Variants in TSHZ2 observed in about 807,000 individuals in gnomAD.
TSHZ2 encodes teashirt homolog 2.
A neutral mutation model predicts 74.4 loss-of-function variants in TSHZ2; 21 were observed. The observed-to-expected ratio is 0.28, with a 90% CI of 0.20 to 0.41. The LOEUF is 0.41. Among genes scored for constraint, TSHZ2 ranks in the 10% least tolerant of loss-of-function variants. The probability of loss-of-function intolerance (pLI) is 1.00; values close to 1 mark genes in which losing one functional copy is unlikely to be tolerated. For missense variants in TSHZ2, 1,244 were observed against 1,293.5 expected, an observed-to-expected ratio of 0.96 and a Z score of 0.59; for synonymous variants, 540 against 515.3, an observed-to-expected ratio of 1.05 and a Z score of -0.65.
chr20:52,984,198 G>A (rs1038920060), intron 1 of TSHZ2, among the ~76,000 whole-genome samples: 5 of 152,160 alleles, frequency 3.3e-5, no homozygotes, highest in Non-Finnish European at 7.4e-5. Context: ...CTGTGGCTGT[G>A]TACCAGGTGC....
chr20:53,067,819 C>A (rs1018182037), intron 1 of TSHZ2, among the ~76,000 whole-genome samples: 3 of 152,174 alleles, frequency 2.0e-5, no homozygotes, highest in African/African-American at 7.2e-5. Flanking sequence ...AACTGGGTGG[C>A]TTAAAATCAC....
At chr20:53,260,689 C>G (rs374803067) in intron 2 of TSHZ2, among the ~76,000 whole-genome samples, 26 of 152,292 alleles carry the variant, frequency 1.7e-4, no homozygotes, top group South Asian at 1.0e-3. Flanking sequence ...GACATAATAT[C>G]CTTCTCATAG....
chr20:52,979,310 A>G (rs930999803), intron 1 of TSHZ2, among the ~76,000 whole-genome samples: 5 of 152,196 alleles, frequency 3.3e-5, no homozygotes, highest in African/African-American at 4.8e-5. Flanking sequence ...TGTAATAAAA[A>G]TTAGAGACTT....
At chr20:53,034,853 T>C (rs770393663) in intron 1 of TSHZ2, among the ~76,000 whole-genome samples, 53 of 152,152 alleles carry the variant, frequency 3.5e-4, no homozygotes, top group Non-Finnish European at 6.0e-4. Context: ...GGATAAAATA[T>C]TTGGATTTTA....
intron 2 of TSHZ2, among the ~76,000 whole-genome samples, chr20:53,406,855 G>C (rs1982871949): frequency 6.6e-6 from 1 of 152,166 alleles, no homozygotes; most frequent in African/African-American, 2.4e-5. Context: ...CCACATGGAA[G>C]GCATGATATC....
At chr20:53,035,966 ATAT>A (rs1983803501) in intron 1 of TSHZ2, among the ~76,000 whole-genome samples, 1 of 122,350 alleles carries the variant, frequency 8.2e-6, no homozygotes, top group Non-Finnish European at 1.9e-5. Flanking sequence ...AAATATACAC[ATAT>A]TATTCACTTA....
intron 1 of TSHZ2, among the ~76,000 whole-genome samples, chr20:53,139,146 CA>C (rs1880432418): frequency 6.6e-6 from 1 of 152,210 alleles, no homozygotes; most frequent in African/African-American, 2.4e-5. Context: ...CACAGCTGCA[CA>C]GATGCCTTCA....
At chr20:53,359,274 C>G (rs1376999648) in intron 2 of TSHZ2, among the ~76,000 whole-genome samples, 2 of 152,186 alleles carry the variant, frequency 1.3e-5, no homozygotes, top group African/African-American at 4.8e-5. Flanking sequence ...GTCAGGCAGA[C>G]TGGGGCCAAA....
At position 53,254,339 on chromosome 20, in the gene TSHZ2, T is replaced by C; in HGVS notation, c.881T>C (p.Met294Thr). 6.2e-7 allele frequency: 1 copy of C among 1,614,156 alleles called. No individual in the cohort carries two copies. The highest frequency in any genetic ancestry group is 8.5e-7 in the Non-Finnish European group (1 of 1,180,018). ...TCCCTCCAAGATTTGAGCGTCCACATGATTAAAACAAAACATTACCAAAAA... is the reference window on the plus strand; with the variant it reads ...TCCCTCCAAGATTTGAGCGTCCACACGATTAAAACAAAACATTACCAAAAA... ...FDSLQDLSVHMIKTKHYQKVP... is the reference protein window; with the variant it reads ...FDSLQDLSVHTIKTKHYQKVP... Residue 294 changes from methionine (M) to threonine (T), a missense_variant, in exon 2 of 3, where the codon ATG becomes ACG. By Grantham distance (81) the Met-to-Thr change is moderately conservative (BLOSUM62 -1). This residue lies in a region of TSHZ2 where 470 missense variants were observed against 456.5 expected (regional missense o/e 1.03). Transcript: ENST00000371497.
intron 1 of TSHZ2, among the ~76,000 whole-genome samples, chr20:53,151,520 T>C (rs1251686997): frequency 3.3e-5 from 5 of 152,180 alleles, no homozygotes; most frequent in Admixed American, 6.5e-5. Context: ...AGATAATATC[T>C]TCAGGAAGGA....
At chr20:53,411,177 G>A (rs1425006373) in intron 2 of TSHZ2, among the ~76,000 whole-genome samples, 1 of 152,156 alleles carries the variant, frequency 6.6e-6, no homozygotes, top group Admixed American at 6.5e-5. Context: ...AGTGAGTGGA[G>A]GCTACGTTTG....
chr20:53,357,613 T>C (rs530523998), intron 2 of TSHZ2, among the ~76,000 whole-genome samples: 1 of 152,364 alleles, frequency 6.6e-6, no homozygotes, highest in African/African-American at 2.4e-5. Context: ...TTAGAATTTT[T>C]TTGTGCTCAA....
intron 1 of TSHZ2, among the ~76,000 whole-genome samples, chr20:53,037,701 GC>G (rs1442847925): frequency 2.6e-5 from 4 of 152,184 alleles, no homozygotes; most frequent in Non-Finnish European, 5.9e-5. Flanking sequence ...TATGAATGAA[GC>G]TTTTTGCTTA....
At chr20:53,118,202 T>C (rs1053800130) in intron 1 of TSHZ2, among the ~76,000 whole-genome samples, 1 of 152,160 alleles carries the variant, frequency 6.6e-6, no homozygotes, top group African/African-American at 2.4e-5. Context: ...CGAAGCAGTG[T>C]ATGATAGTTT....
chr20:52,973,160 G>C lies in TSHZ2; in HGVS notation c.-134G>C. 1 of 1,168,938 alleles carries C rather than the reference G, an allele frequency of 8.6e-7. No individual in the cohort carries two copies. 72.4% of individuals were successfully genotyped at this position (1,168,938 alleles called of 1,614,324 possible). ...GAGTTGCAGGGGGGATCGTCAGGGGGACAGAGGCCGAGTGACGTCCTAGGA... is the reference window on the plus strand; with the variant it reads ...GAGTTGCAGGGGGGATCGTCAGGGGCACAGAGGCCGAGTGACGTCCTAGGA... On this transcript the variant is annotated 5_prime_UTR_variant, in exon 1 of 3. Transcript: ENST00000371497.
intron 1 of TSHZ2, among the ~76,000 whole-genome samples, chr20:53,210,000 G>A (rs1989261957): frequency 6.6e-6 from 1 of 152,222 alleles, no homozygotes; most frequent in Non-Finnish European, 1.5e-5. Flanking sequence ...TTTCAATTTG[G>A]AAACATTGCC....
chr20:53,436,838 A>C (rs539497563), intron 2 of TSHZ2, among the ~76,000 whole-genome samples: 1 of 152,078 alleles, frequency 6.6e-6, no homozygotes, highest in African/African-American at 2.4e-5. Flanking sequence ...GGTGTGAGCC[A>C]TTCCACCCAG....
intron 2 of TSHZ2, among the ~76,000 whole-genome samples, chr20:53,387,138 C>G (rs1982076579): frequency 6.6e-6 from 1 of 152,152 alleles, no homozygotes; most frequent in Non-Finnish European, 1.5e-5. Context: ...CGATCGTTTT[C>G]ACTTGAATTT....
chr20:53,463,102 G>A (rs1019551293), intron 2 of TSHZ2, among the ~76,000 whole-genome samples: 3 of 152,202 alleles, frequency 2.0e-5, no homozygotes, highest in African/African-American at 7.2e-5. Context: ...GGACTCAAAG[G>A]TCTTGTACAA....
Sources: allele counts gnomAD v4.1 joint callset (sites outside exome capture counted in the v4.1 genomes callset), GRCh38; gene constraint gnomAD v4.1.1; regional missense constraint gnomAD v4.1.1; transcripts MANE v1.5; gene names NCBI Gene and HGNC (gene_info 2026-07-23, HGNC 2026-07-21).